AGPAT5: variants seen among roughly 807,000 people sequenced by gnomAD.
AGPAT5 encodes 1-acyl-sn-glycerol-3-phosphate acyltransferase epsilon.
In AGPAT5, 46 loss-of-function variants were observed where a neutral mutation model predicts 45.6. The ratio of observed to expected loss-of-function variants is 1.01; its 90% CI spans 0.80 to 1.29. The LOEUF (loss-of-function observed/expected upper bound fraction) is 1.29. Among genes scored for constraint, AGPAT5 ranks in the 50% most tolerant of loss-of-function variants. The probability of loss-of-function intolerance (pLI) is 0.00; values close to 1 mark genes in which losing one functional copy is unlikely to be tolerated. For missense variants in AGPAT5, 673 were observed against 450.7 expected (o/e 1.49, Z -4.47); for synonymous variants, 272 against 167.0 (o/e 1.63, Z -4.85).
chr8:6,755,644 G>C (rs574276457), intron 7 of AGPAT5, among the ~76,000 whole-genome samples: 13 of 152,256 alleles, frequency 8.5e-5, no homozygotes, highest in South Asian at 4.2e-4. Context: ...AGTTGACAGC[G>C]TTATATCCAA....
At chr8:6,735,414 G>T (rs551706366) in intron 4 of AGPAT5, among the ~76,000 whole-genome samples, 100 of 152,330 alleles carry the variant, frequency 6.6e-4, no homozygotes, top group Non-Finnish European at 1.0e-3. Flanking sequence ...GGTCGAGCCT[G>T]TGAAATGTGC....
At position 6,708,982 on chromosome 8, in the gene AGPAT5, C is replaced by T. The variant is rs779026470; in HGVS notation, c.219+95C>T. The T allele has an allele frequency of 7.9e-6, 10 of 1,267,846 alleles. No homozygotes were observed. In the South Asian group the frequency reaches 1.0e-4, roughly 13 times the overall value. The allele number at this position is 1,267,846 out of a possible 1,614,324, so 78.5% of individuals were successfully genotyped here. A position where few individuals can be genotyped will look rare whatever the true frequency, so the allele number is the denominator to read the frequency against. ...CCCACAGCTGGCGAGGGTCACCCGG[C>T]CGGCCCGGCGGACCCAGCACGGAGA... On this transcript the variant is annotated intron_variant, in intron 1 of 7. Transcript: ENST00000285518.
chr8:6,732,510 C>T, intron 3 of AGPAT5, 51 bp from the exon 4 acceptor site: 4 of 1,484,898 alleles, frequency 2.7e-6, no homozygotes, highest in East Asian at 2.4e-5. Flanking sequence ...TGACTCTGGC[C>T]AATTGTTATT....
At chr8:6,735,848 CCTTTTTTT>C (rs1363950865) in intron 4 of AGPAT5, among the ~76,000 whole-genome samples, 11 of 53,614 alleles carry the variant, frequency 2.1e-4, no homozygotes, top group Middle Eastern at 0.014. Context: ...CTTTATATAG[CCTTTTTTT>C]TTTTTTTTTT....
rs1278735284 is a variant in AGPAT5 at position 6,759,592 on chromosome 8, G to A, written c.*2204G>A. 2 of 151,818 alleles carry A rather than the reference G, an allele frequency of 1.3e-5. No homozygotes were observed. The highest frequency in any genetic ancestry group is 2.4e-5 in the African/African-American group (1 of 41,330). 9.4% of individuals were successfully genotyped at this position (151,818 alleles called of 1,614,324 possible). Reference sequence around the variant, plus strand: ...TTATAAGAATGCCGTCGATGTGCATGCTTTTATGTTTTTCAGAAAAGGGTG... The same window carrying A: ...TTATAAGAATGCCGTCGATGTGCATACTTTTATGTTTTTCAGAAAAGGGTG... On this transcript the variant is annotated 3_prime_UTR_variant, in exon 8 of 8. Coordinates refer to ENST00000285518, the MANE Select transcript of AGPAT5 (RefSeq NM_018361.5).
rs1293679074 is a variant in AGPAT5, at chr8:6,758,964, T to G, written c.*1576T>G. On this transcript the variant is annotated 3_prime_UTR_variant, in exon 8 of 8. Transcript: ENST00000285518. ...GGAAAATTAAGTGACTGTGTTACAC[T>G]GCTTCTCCCATGCCAGAGAATAAAC... 6.6e-6 allele frequency: 1 copy of G among 152,592 alleles called. No individual in the cohort carries two copies. Among genetic ancestry groups the G allele is most frequent in the Non-Finnish European group, 1.5e-5 (1 of 68,040 alleles). The allele number at this position is 152,592 out of a possible 1,614,324, so 9.5% of individuals were successfully genotyped here.
At chr8:6,708,981 G>A in intron 1 of AGPAT5, 94 bp downstream of exon 1, 1 of 1,272,364 alleles carries the variant, frequency 7.9e-7, no homozygotes, top group Non-Finnish European at 1.1e-6. Context: ...GGGTCACCCG[G>A]CCGGCCCGGC....
intron 4 of AGPAT5, among the ~76,000 whole-genome samples, chr8:6,739,148 A>C (rs549639285): frequency 1.9e-4 from 29 of 151,744 alleles, no homozygotes; most frequent in Non-Finnish European, 4.1e-4. Flanking sequence ...ATATTGATCT[A>C]TATATATATA....
chr8:6,726,363 C>T lies in AGPAT5; in HGVS notation c.289+1424C>T, dbSNP rs529731972. ...CTTTATTTTGATCCAGTGTTAATTT[C>T]ATGTAGAGTTGTCTGTTTAACAGGA... On this transcript the variant is annotated intron_variant, in intron 2 of 7. Coordinates refer to ENST00000285518, the MANE Select transcript of AGPAT5 (RefSeq NM_018361.5). Among the ~76,000 whole-genome samples the T allele has an allele frequency of 5.3e-5, 8 of 152,298 alleles. No homozygotes were observed. In the South Asian group the frequency reaches 1.7e-3, roughly 32 times the overall value.
chr8:6,711,046 A>G (rs1469270), intron 1 of AGPAT5, among the ~76,000 whole-genome samples: 5,705 of 152,190 alleles, frequency 0.037, 243 homozygotes, highest in East Asian at 0.13. Flanking sequence ...TTTTTAAATA[A>G]AAGGTTTATT....
intron 2 of AGPAT5, among the ~76,000 whole-genome samples, chr8:6,727,481 A>C (rs1348312737): frequency 1.3e-5 from 2 of 151,938 alleles, no homozygotes; most frequent in Admixed American, 6.6e-5. Flanking sequence ...TCCCGGGTTC[A>C]AGCCATTTTC....
chr8:6,719,745 A>C (rs1800442156), intron 1 of AGPAT5, among the ~76,000 whole-genome samples: 1 of 152,240 alleles, frequency 6.6e-6, no homozygotes, highest in South Asian at 2.1e-4. Flanking sequence ...CTGGAAGATC[A>C]TATTAATGAA....
intron 6 of AGPAT5, among the ~76,000 whole-genome samples, chr8:6,749,435 A>G (rs1801580731): frequency 6.6e-6 from 1 of 152,244 alleles, no homozygotes. Context: ...TTAGATGTAA[A>G]TGTTTAGAAT....
intron 1 of AGPAT5, among the ~76,000 whole-genome samples, chr8:6,711,815 T>G (rs1800164761): frequency 6.6e-6 from 1 of 152,214 alleles, no homozygotes; most frequent in South Asian, 2.1e-4. Flanking sequence ...AACCTCTGCC[T>G]TACAGTCCTT....
chr8:6,740,646 T>C (rs1174886864), intron 4 of AGPAT5, among the ~76,000 whole-genome samples: 1 of 152,032 alleles, frequency 6.6e-6, no homozygotes, highest in Non-Finnish European at 1.5e-5. Context: ...ACGAAATTTT[T>C]AGATACCATT....
chr8:6,737,860 C>T (rs766326361), intron 4 of AGPAT5, among the ~76,000 whole-genome samples: 36 of 152,206 alleles, frequency 2.4e-4, no homozygotes, highest in Admixed American at 4.6e-4. Flanking sequence ...CGGCTTCTTT[C>T]CTTAAACCTC....
chr8:6,729,562 A>C (rs888902110), intron 2 of AGPAT5, among the ~76,000 whole-genome samples: 1 of 152,106 alleles, frequency 6.6e-6, no homozygotes, highest in African/African-American at 2.4e-5. Context: ...GTAGCCATTT[A>C]CTTTCAAATC....
intron 2 of AGPAT5, among the ~76,000 whole-genome samples, chr8:6,727,049 G>C (rs1248434699): frequency 6.6e-6 from 1 of 152,050 alleles, no homozygotes; most frequent in Non-Finnish European, 1.5e-5. Flanking sequence ...ATTGTGTTTA[G>C]GTACCCTTCT....
At chr8:6,742,341 T>C (rs558175225) in intron 5 of AGPAT5, among the ~76,000 whole-genome samples, 3 of 152,338 alleles carry the variant, frequency 2.0e-5, no homozygotes, top group African/African-American at 7.2e-5. Context: ...GTTCTTAATA[T>C]CCATATTTTA....
Sources: allele counts gnomAD v4.1 joint callset (sites outside exome capture counted in the v4.1 genomes callset), GRCh38; gene constraint gnomAD v4.1.1; transcripts MANE v1.5; gene names NCBI Gene and HGNC (gene_info 2026-07-23, HGNC 2026-07-21).